FHOD3: variants seen among roughly 807,000 people sequenced by gnomAD.
FHOD3 encodes the protein FH1/FH2 domain-containing protein 3.
In FHOD3, 90 loss-of-function variants were observed where a neutral mutation model predicts 173.0. That is an observed-to-expected ratio of 0.52 (90% CI 0.44 to 0.62). FHOD3 has a LOEUF of 0.62. Ranked by LOEUF, FHOD3 falls within the 20% of genes least tolerant of loss-of-function variation. FHOD3 has a pLI of 0.00. For synonymous variants in FHOD3, 828 were observed against 823.0 expected, an observed-to-expected ratio of 1.01 and a Z score of -0.10; for missense variants, 1,945 against 2,034.7, an observed-to-expected ratio of 0.96 and a Z score of 0.85.
chr18:36,683,575 T>C (rs1321035281), intron 15 of FHOD3, among the ~76,000 whole-genome samples: 1 of 152,228 alleles, frequency 6.6e-6, no homozygotes. Context: ...ACTTGGCATG[T>C]ACTCAAAGGC....
intron 3 of FHOD3, among the ~76,000 whole-genome samples, chr18:36,397,357 C>T (rs1247944127): frequency 6.6e-6 from 1 of 152,124 alleles, no homozygotes; most frequent in African/African-American, 2.4e-5. Context: ...TCCTTCTACC[C>T]TTTTATTTTA....
chr18:36,350,807 T>A (rs1254942631), intron 1 of FHOD3, among the ~76,000 whole-genome samples: 4 of 152,230 alleles, frequency 2.6e-5, no homozygotes, highest in African/African-American at 9.6e-5. Context: ...TGTCTATTCA[T>A]ATTGTTTTTA....
At chr18:36,368,760 A>C (rs377070611) in intron 2 of FHOD3, among the ~76,000 whole-genome samples, 1 of 152,154 alleles carries the variant, frequency 6.6e-6, no homozygotes, top group East Asian at 1.9e-4. Context: ...GGAGAAGCAA[A>C]GGCACATCTT....
chr18:36,387,100 G>C (rs1252117856), intron 3 of FHOD3, among the ~76,000 whole-genome samples: 1 of 152,158 alleles, frequency 6.6e-6, no homozygotes, highest in Non-Finnish European at 1.5e-5. Context: ...CAAGTGCCCT[G>C]GACTGTGTCC....
chr18:36,328,312 A>G (rs2044780663), intron 1 of FHOD3, among the ~76,000 whole-genome samples: 1 of 152,144 alleles, frequency 6.6e-6, no homozygotes, highest in Non-Finnish European at 1.5e-5. Context: ...GCAGAGTCCA[A>G]CAGGGTGGGA....
chr18:36,373,056 C>T (rs2047269628), intron 3 of FHOD3, among the ~76,000 whole-genome samples: 1 of 152,162 alleles, frequency 6.6e-6, no homozygotes, highest in Non-Finnish European at 1.5e-5. Flanking sequence ...ACCTGATCTT[C>T]ACGTGCCTCC....
chr18:36,549,839 C>A (rs559967189), intron 5 of FHOD3, among the ~76,000 whole-genome samples: 1 of 151,676 alleles, frequency 6.6e-6, no homozygotes, highest in African/African-American at 2.4e-5. Context: ...TGAACCATCA[C>A]GCCTGGCCAT....
At position 36,451,765 on chromosome 18, in the gene FHOD3, C is replaced by CA. The variant is rs2051860658; in HGVS notation, c.338-50165dup. Among the ~76,000 whole-genome samples, 3 of 152,194 alleles carry CA rather than the reference C, an allele frequency of 2.0e-5. No individual in the cohort carries two copies. In the South Asian group the frequency reaches 6.2e-4, roughly 31 times the overall value. ...TGGGAGGGAGGGAAGCAGGACCTCT[C>CA]AAGCTTACTGGCTAACAGGGGTGTC... is the stretch of plus-strand genomic sequence containing the variant. On this transcript the variant is annotated intron_variant, in intron 3 of 28. Coordinates refer to ENST00000590592, the MANE Select transcript of FHOD3 (RefSeq NM_001281740.3).
chr18:36,384,431 C>G (rs1052398000), intron 3 of FHOD3, among the ~76,000 whole-genome samples: 2 of 151,734 alleles, frequency 1.3e-5, no homozygotes, highest in Admixed American at 6.6e-5. Context: ...ATTAGTGGAG[C>G]ATGGTGGTAG....
At chr18:36,532,841 C>T (rs929324527) in intron 5 of FHOD3, among the ~76,000 whole-genome samples, 6 of 152,298 alleles carry the variant, frequency 3.9e-5, no homozygotes, top group Admixed American at 2.0e-4. Context: ...TCCATTAAAA[C>T]GTTTAAAGGC....
chr18:36,304,987 T>A (rs2092053488), intron 1 of FHOD3, among the ~76,000 whole-genome samples: 1 of 152,236 alleles, frequency 6.6e-6, no homozygotes, highest in Non-Finnish European at 1.5e-5. Context: ...TTACAGTGAA[T>A]GGCAGTGATG....
chr18:36,374,652 G>A (rs951190673), intron 3 of FHOD3, among the ~76,000 whole-genome samples: 4 of 152,158 alleles, frequency 2.6e-5, no homozygotes, highest in Non-Finnish European at 4.4e-5. Context: ...CTTCAGCTCC[G>A]CTGGACTTCA....
rs1408627424 is a variant in FHOD3 at position 36,336,166 on chromosome 18, G to T, written c.166-19373G>T. ...GCAAATTGTAAAATAAGCAGGCGGT[G>T]GTGCTCATGTGTGCACCTCTATGAG... On this transcript the variant is annotated intron_variant, in intron 1 of 28. Transcript: ENST00000590592. Among the ~76,000 whole-genome samples, 3 of 152,216 alleles carry T rather than the reference G, an allele frequency of 2.0e-5. No individual in the cohort carries two copies. In the East Asian group the frequency reaches 5.8e-4, roughly 29 times the overall value.
intron 3 of FHOD3, among the ~76,000 whole-genome samples, chr18:36,377,042 C>T (rs1380006291): frequency 6.6e-6 from 1 of 152,160 alleles, no homozygotes; most frequent in Non-Finnish European, 1.5e-5. Flanking sequence ...ATATGTGTGC[C>T]ATGAGGTGGC....
chr18:36,580,718 T>C (rs550478716), intron 6 of FHOD3, among the ~76,000 whole-genome samples: 5 of 152,372 alleles, frequency 3.3e-5, no homozygotes, highest in African/African-American at 1.2e-4. Flanking sequence ...AACAGATACA[T>C]CAACCCAAGA....
At chr18:36,646,381 T>C (rs1456601798) in intron 10 of FHOD3, among the ~76,000 whole-genome samples, 6 of 152,076 alleles carry the variant, frequency 3.9e-5, no homozygotes, top group Admixed American at 2.6e-4. Context: ...AGCAGTAAGA[T>C]TAGGTCTAAA....
chr18:36,761,135 T>C (rs1448129030), intron 27 of FHOD3, among the ~76,000 whole-genome samples: 3 of 152,192 alleles, frequency 2.0e-5, no homozygotes, highest in Non-Finnish European at 4.4e-5. Context: ...TACTCATTTG[T>C]GTAGTGTCTG....
intron 1 of FHOD3, among the ~76,000 whole-genome samples, chr18:36,326,775 T>A (rs2044690683): frequency 6.6e-6 from 1 of 152,084 alleles, no homozygotes; most frequent in African/African-American, 2.4e-5. Context: ...TATAAAAAAT[T>A]TAAAAGGTCC....
intron 3 of FHOD3, among the ~76,000 whole-genome samples, chr18:36,424,512 A>C (rs1174274183): frequency 6.6e-6 from 1 of 151,964 alleles, no homozygotes; most frequent in African/African-American, 2.4e-5. Flanking sequence ...GAGCCTTTTG[A>C]TGGGTCACTC....
Sources: allele counts gnomAD v4.1 joint callset (sites outside exome capture counted in the v4.1 genomes callset), GRCh38; gene constraint gnomAD v4.1.1; transcripts MANE v1.5; gene names NCBI Gene and HGNC (gene_info 2026-07-23, HGNC 2026-07-21).